Variants in EXOSC7 observed in about 807,000 individuals in gnomAD.
EXOSC7 encodes exosome complex component RRP42.
A neutral mutation model predicts 34.3 loss-of-function variants in EXOSC7; 25 were observed. That is an observed-to-expected ratio of 0.73 (90% CI 0.53 to 1.02). EXOSC7 has a LOEUF of 1.02. Among genes scored for constraint, EXOSC7 ranks in the 50% least tolerant of loss-of-function variants. The pLI, the probability that EXOSC7 is intolerant of heterozygous loss-of-function variation, is 0.00. For synonymous variants in EXOSC7, 130 were observed against 143.0 expected, an observed-to-expected ratio of 0.91 and a Z score of 0.65; for missense variants, 370 against 368.5, an observed-to-expected ratio of 1.00 and a Z score of -0.03.
intron 1 of EXOSC7, among the ~76,000 whole-genome samples, chr3:44,985,771 CT>C (rs1159589901): frequency 1.3e-5 from 2 of 152,138 alleles, no homozygotes; most frequent in Non-Finnish European, 2.9e-5. Context: ...CTTTTATTCT[CT>C]TATCTGGCCC....
intron 7 of EXOSC7, among the ~76,000 whole-genome samples, chr3:45,008,794 G>T (rs549012279): frequency 6.6e-6 from 1 of 152,314 alleles, no homozygotes; most frequent in South Asian, 2.1e-4. Flanking sequence ...GTCAAACCTT[G>T]TTTTAGAAGG....
intron 1 of EXOSC7, among the ~76,000 whole-genome samples, chr3:44,987,911 T>C (rs1444831773): frequency 6.6e-6 from 1 of 152,250 alleles, no homozygotes; most frequent in Non-Finnish European, 1.5e-5. Context: ...GGAATTGATC[T>C]ATCAGTATGA....
At chr3:44,999,255 G>A (rs530677955) in intron 4 of EXOSC7, among the ~76,000 whole-genome samples, 2 of 152,306 alleles carry the variant, frequency 1.3e-5, no homozygotes, top group South Asian at 4.1e-4. Flanking sequence ...ATGGTGCGCA[G>A]GAATATCCAG....
intron 6 of EXOSC7, among the ~76,000 whole-genome samples, chr3:45,006,068 CTTTTTTTTTTTTT>C (rs34869939): frequency 1.7e-4 from 8 of 47,254 alleles, no homozygotes; most frequent in Non-Finnish European, 2.2e-4. Context: ...TGGGTCTTGG[CTTTTTTTTTTTTT>C]TTTTTTTTTT....
In EXOSC7 at chr3:44,995,059, A is replaced by G. The variant is rs186669295; in HGVS notation, c.255-2028A>G. 6.9e-4 allele frequency among the ~76,000 whole-genome samples: 105 copies of G among 152,112 alleles called. 1 individual carries two copies. The highest frequency in any genetic ancestry group is 1.2e-3 in the Non-Finnish European group (80 of 68,028). ...GAGTGCAGTGGTGCGATCTCAGCTC[A>G]CTGCAACCTCTGCCTCAGGTTCAAG... On this transcript the variant is annotated intron_variant, in intron 3 of 7. Coordinates refer to ENST00000265564, the MANE Select transcript of EXOSC7 (RefSeq NM_015004.4).
In EXOSC7 at chr3:44,989,373, G is replaced by T. The variant is rs183480884; in HGVS notation, c.159+132G>T. 3.5e-6 allele frequency: 3 copies of T among 853,266 alleles called. No individual in the cohort carries two copies. In the South Asian group the frequency reaches 4.9e-5, roughly 14 times the overall value. 52.9% of individuals were successfully genotyped at this position (853,266 alleles called of 1,614,324 possible). A position where few individuals can be genotyped will look rare whatever the true frequency, so the allele number is the denominator to read the frequency against. ...AATCGAAGATCCGAGCCAAACTCAG[G>T]GAGGGGGGGTCTATCCAGATCTGAA... On this transcript the variant is annotated intron_variant, in intron 2 of 7. Transcript: ENST00000265564.
intron 6 of EXOSC7, among the ~76,000 whole-genome samples, chr3:45,007,015 C>A (rs1707068249): frequency 6.6e-6 from 1 of 152,178 alleles, no homozygotes; most frequent in Admixed American, 6.5e-5. Flanking sequence ...CCGCTGCGCC[C>A]AGCCTTTGGC....
intron 3 of EXOSC7, among the ~76,000 whole-genome samples, chr3:44,995,702 GTC>G (rs1046282784): frequency 5.2e-4 from 79 of 152,334 alleles, no homozygotes; most frequent in African/African-American, 1.8e-3. Context: ...CAGTAATGAA[GTC>G]TCTCTTGGGG....
At chr3:45,001,385 GT>G (rs1315381746) in intron 4 of EXOSC7, among the ~76,000 whole-genome samples, 152 bp from the exon 5 acceptor site, 1 of 151,898 alleles carries the variant, frequency 6.6e-6, no homozygotes, top group Non-Finnish European at 1.5e-5. Flanking sequence ...AGAGGTTGCA[GT>G]TAGCCAAGAT....
intron 5 of EXOSC7, among the ~76,000 whole-genome samples, chr3:45,003,009 AAG>A (rs1376861796): frequency 1.3e-5 from 2 of 152,144 alleles, no homozygotes; most frequent in Admixed American, 1.3e-4. Context: ...CCCAGGCAAA[AAG>A]AGAGATTGGG....
At chr3:45,006,430 G>C (rs1707046154) in intron 6 of EXOSC7, among the ~76,000 whole-genome samples, 1 of 91,086 alleles carries the variant, frequency 1.1e-5, no homozygotes, top group Non-Finnish European at 2.0e-5. Flanking sequence ...TTTTTTTTGA[G>C]ACAGAGTCTC....
In EXOSC7 at chr3:44,995,248, G is replaced by A. The variant is rs140749943; in HGVS notation, c.255-1839G>A. 5.2e-3 allele frequency among the ~76,000 whole-genome samples: 793 copies of A among 152,330 alleles called. 5 individuals carry two copies. Among genetic ancestry groups the A allele is most frequent in the Non-Finnish European group, 5.8e-3 (397 of 68,032 alleles). ...TCCACCCGCCTTGGCCTCCGAAAGT[G>A]CTGGGATTGCAGGCGTGAGCCACCA... On this transcript the variant is annotated intron_variant, in intron 3 of 7. Transcript: ENST00000265564.
intron 7 of EXOSC7, among the ~76,000 whole-genome samples, chr3:45,010,536 A>C (rs1707176704): frequency 6.6e-6 from 1 of 152,202 alleles, no homozygotes; most frequent in African/African-American, 2.4e-5. Flanking sequence ...AGCATGAGCC[A>C]CTACTCCCAG....
At chr3:44,981,585 CT>C (rs1706271161) in intron 1 of EXOSC7, among the ~76,000 whole-genome samples, 5 of 151,930 alleles carry the variant, frequency 3.3e-5, no homozygotes, top group Admixed American at 2.6e-4. Context: ...AATTAAACCT[CT>C]TTTGATTTGA....
chr3:45,011,981 A>G (rs1386489721), downstream of EXOSC7, among the ~76,000 whole-genome samples: 1 of 152,154 alleles, frequency 6.6e-6, no homozygotes, highest in Non-Finnish European at 1.5e-5. Flanking sequence ...GTGTTTCCTA[A>G]GATTTTGTTT....
At chr3:44,991,784 CTT>C (rs1459378318) in intron 3 of EXOSC7, among the ~76,000 whole-genome samples, 3 of 152,194 alleles carry the variant, frequency 2.0e-5, no homozygotes, top group East Asian at 1.9e-4. Context: ...CTGCTGGTCT[CTT>C]TTCCTCCTCT....
Position 45,001,622 on chromosome 3 carries a change from G to A in EXOSC7, c.491+14G>A. On this transcript the variant is annotated intron_variant, in intron 5 of 7. Transcript: ENST00000265564. The stretch of plus-strand genomic sequence containing the variant: ...CTTCAATACAAGGTAAGTCTTCCTA[G>A]AAACAGCTCTGCGAACCTGTGGAGA... 1 of 1,595,666 alleles carries A rather than the reference G, an allele frequency of 6.3e-7. No individual in the cohort carries two copies. The highest frequency in any genetic ancestry group is 8.6e-7 in the Non-Finnish European group (1 of 1,163,368).
chr3:44,980,656 C>T (rs1706247092), intron 1 of EXOSC7, among the ~76,000 whole-genome samples: 1 of 152,220 alleles, frequency 6.6e-6, no homozygotes, highest in African/African-American at 2.4e-5. Context: ...TCTTTGCTTC[C>T]TCTACCTCCT....
chr3:44,980,768 G>C (rs1039026578), intron 1 of EXOSC7, among the ~76,000 whole-genome samples: 2 of 152,180 alleles, frequency 1.3e-5, no homozygotes, highest in Non-Finnish European at 2.9e-5. Context: ...AGCTTAAATA[G>C]TATATGGCAT....
Sources: allele counts gnomAD v4.1 joint callset (sites outside exome capture counted in the v4.1 genomes callset), GRCh38; gene constraint gnomAD v4.1.1; transcripts MANE v1.5; gene names NCBI Gene and HGNC (gene_info 2026-07-23, HGNC 2026-07-21).